HSPA4: variants seen among roughly 807,000 people sequenced by gnomAD.
The protein encoded by HSPA4 is heat shock protein family A (Hsp70) member 4.
In HSPA4, 25 loss-of-function variants were observed where a neutral mutation model predicts 106.2. The observed-to-expected ratio is 0.24, with a 90% CI of 0.17 to 0.33. The LOEUF is 0.33. Among genes scored for constraint, HSPA4 ranks in the 10% least tolerant of loss-of-function variants. HSPA4 has a pLI of 1.00. For synonymous variants in HSPA4, 332 were observed against 333.6 expected, an observed-to-expected ratio of 1.00 and a Z score of 0.05; for missense variants, 841 against 996.0, an observed-to-expected ratio of 0.84 and a Z score of 2.10.
intron 15 of HSPA4, among the ~76,000 whole-genome samples, chr5:133,098,080 C>G (rs1050103609): frequency 6.6e-6 from 1 of 151,994 alleles, no homozygotes; most frequent in Non-Finnish European, 1.5e-5. Flanking sequence ...TCTGTCCTCC[C>G]GCTTTTGAGT....
At chr5:133,063,748 T>A (rs895512839) in intron 1 of HSPA4, among the ~76,000 whole-genome samples, 2 of 151,242 alleles carry the variant, frequency 1.3e-5, no homozygotes, top group African/African-American at 4.9e-5. Flanking sequence ...TTACTTATAC[T>A]TATTAATGCC....
intron 7 of HSPA4, among the ~76,000 whole-genome samples, chr5:133,081,465 GTTC>G (rs1294183635): frequency 1.3e-5 from 2 of 152,134 alleles, no homozygotes; most frequent in African/African-American, 4.8e-5. Flanking sequence ...TCTTCAGTGA[GTTC>G]TTTTTTCTTT....
intron 1 of HSPA4, among the ~76,000 whole-genome samples, chr5:133,053,507 C>T (rs1400160357): frequency 6.6e-6 from 1 of 151,838 alleles, no homozygotes; most frequent in Non-Finnish European, 1.5e-5. Flanking sequence ...CGCCACCATG[C>T]TTGGCTAATT....
chr5:133,065,926 A>C (rs2126697374), intron 2 of HSPA4, among the ~76,000 whole-genome samples: 1 of 152,298 alleles, frequency 6.6e-6, no homozygotes, highest in African/African-American at 2.4e-5. Context: ...CTATAGGGTG[A>C]ATCTGTTTTT....
At chr5:133,053,328 CTTTT>C (rs58722769) in intron 1 of HSPA4, among the ~76,000 whole-genome samples, 2,046 of 129,218 alleles carry the variant, frequency 0.016, 10 homozygotes, top group Non-Finnish European at 0.026. Context: ...GGTCTCTCTT[CTTTT>C]TTTTTTTTTT....
intron 3 of HSPA4, among the ~76,000 whole-genome samples, chr5:133,069,177 T>C (rs1215975985): frequency 6.6e-6 from 1 of 152,156 alleles, no homozygotes; most frequent in African/African-American, 2.4e-5. Flanking sequence ...AATTCGTAAC[T>C]GTTATCACAT....
intron 7 of HSPA4, among the ~76,000 whole-genome samples, chr5:133,079,044 A>AAT (rs1765482990): frequency 1.3e-5 from 2 of 152,272 alleles, no homozygotes; most frequent in Non-Finnish European, 1.5e-5. Context: ...CCCTTCATTT[A>AAT]GTCTTTTAAC....
chr5:133,088,616 T>C (rs1765608274), intron 9 of HSPA4, 61 bp downstream of exon 9: 1 of 1,407,064 alleles, frequency 7.1e-7, no homozygotes, highest in Non-Finnish European at 1.0e-6. Flanking sequence ...ATGGCAGTGG[T>C]TTATGTATCT....
chr5:133,091,887 A>G (rs1397473501), intron 12 of HSPA4, among the ~76,000 whole-genome samples: 1 of 151,982 alleles, frequency 6.6e-6, no homozygotes. Flanking sequence ...CAACAACAAC[A>G]ACAACAAAAA....
At chr5:133,094,688 AG>A (rs1003606145) in intron 13 of HSPA4, among the ~76,000 whole-genome samples, 1 of 152,176 alleles carries the variant, frequency 6.6e-6, no homozygotes, top group Non-Finnish European at 1.5e-5. Flanking sequence ...TTAGTTATCT[AG>A]GCTTCCTTGG....
At chr5:133,104,159 G>T in intron 18 of HSPA4, 74 bp from the exon 19 acceptor site, 1 of 1,493,102 alleles carries the variant, frequency 6.7e-7, no homozygotes, top group Non-Finnish European at 9.3e-7. Flanking sequence ...GGGAGAGGGC[G>T]GATTTGGGTT....
intron 10 of HSPA4, 52 bp from the exon 11 acceptor site, chr5:133,089,508 TAA>T: frequency 6.5e-7 from 1 of 1,542,598 alleles, no homozygotes; most frequent in Admixed American, 1.7e-5. Context: ...AACACATGGG[TAA>T]AAGTGTTAGG....
chr5:133,054,245 T>A (rs866142266), intron 1 of HSPA4, among the ~76,000 whole-genome samples: 1 of 151,788 alleles, frequency 6.6e-6, no homozygotes, highest in African/African-American at 2.4e-5. Context: ...CTCTGTTCCC[T>A]ACGCTGGAGT....
chr5:133,090,786 A>C lies in HSPA4; in HGVS notation c.1379-407A>C, dbSNP rs1463435721. 1.3e-5 allele frequency among the ~76,000 whole-genome samples: 2 copies of C among 152,224 alleles called. 1 individual carries two copies. Among genetic ancestry groups the C allele is most frequent in the Non-Finnish European group, 2.9e-5 (2 of 68,050 alleles). On this transcript the variant is annotated intron_variant, in intron 11 of 18. Transcript: ENST00000304858. Reference sequence around the variant, plus strand: ...GAAAATGTAAATAAAAACCTTGTACAGTCACTGGACCTAGAAATGGCAATT... The same window carrying C: ...GAAAATGTAAATAAAAACCTTGTACCGTCACTGGACCTAGAAATGGCAATT...
chr5:133,079,261 G>A (rs1337463242), intron 7 of HSPA4, among the ~76,000 whole-genome samples: 1 of 152,146 alleles, frequency 6.6e-6, no homozygotes, highest in African/African-American at 2.4e-5. Flanking sequence ...CATCACCCCA[G>A]AATAAAACTT....
intron 1 of HSPA4, among the ~76,000 whole-genome samples, chr5:133,061,833 C>G (rs932952372): frequency 6.6e-6 from 1 of 152,042 alleles, no homozygotes; most frequent in African/African-American, 2.4e-5. Context: ...AGAGTTTCGC[C>G]ATGTTGGCCA....
chr5:133,062,651 G>C (rs965919181), intron 1 of HSPA4, among the ~76,000 whole-genome samples: 3 of 152,160 alleles, frequency 2.0e-5, no homozygotes, highest in Admixed American at 2.0e-4. Context: ...GAAAGGCTGA[G>C]CTTGACACCT....
At chr5:133,104,178 C>T in intron 18 of HSPA4, 55 bp from the exon 19 acceptor site, 2 of 1,565,740 alleles carry the variant, frequency 1.3e-6, no homozygotes, top group Non-Finnish European at 1.8e-6. Context: ...TTTAGCATGG[C>T]TTGTAAAATT....
intron 1 of HSPA4, 47 bp downstream of exon 1, chr5:133,052,404 T>A: frequency 8.0e-7 from 1 of 1,245,804 alleles, no homozygotes; most frequent in Admixed American, 2.4e-5. Flanking sequence ...TAGGAGATAA[T>A]GCTTGTTCCA....
Sources: gnomAD v4.1 joint callset for allele counts (sites outside exome capture counted in the v4.1 genomes callset) on GRCh38, gnomAD v4.1.1 for gene constraint, MANE v1.5 for transcripts, NCBI Gene and HGNC (gene_info 2026-07-23, HGNC 2026-07-21) for gene names.